RERE: variants seen among roughly 807,000 people sequenced by gnomAD.
RERE encodes arginine-glutamic acid dipeptide repeats, also known as arginine-glutamic acid dipeptide repeats protein.
RERE carries 40 observed loss-of-function variants against 146.1 expected under a neutral mutation model. That is an observed-to-expected ratio of 0.27 (90% CI 0.21 to 0.36). RERE has a LOEUF of 0.36. RERE is among the 10% of genes least tolerant of loss of function. The probability of loss-of-function intolerance (pLI) is 1.00; values close to 1 mark genes in which losing one functional copy is unlikely to be tolerated. For synonymous variants in RERE, 1,003 were observed against 866.0 expected (o/e 1.16, Z -2.78); for missense variants, 1,933 against 2,138.7 (o/e 0.90, Z 1.90).
chr1:8,693,229 A>C (rs1639247682), intron 1 of RERE, among the ~76,000 whole-genome samples: 1 of 152,208 alleles, frequency 6.6e-6, no homozygotes, highest in Non-Finnish European at 1.5e-5. Context: ...GGACACAGAA[A>C]TCACACACCT....
intron 7 of RERE, among the ~76,000 whole-genome samples, chr1:8,520,202 T>A (rs1160496815): frequency 6.6e-6 from 1 of 152,164 alleles, no homozygotes; most frequent in South Asian, 2.1e-4. Context: ...AATTCTAAAT[T>A]TTCTCTGTGG....
intron 11 of RERE, among the ~76,000 whole-genome samples, chr1:8,448,489 T>C (rs539983037): frequency 4.3e-4 from 65 of 151,962 alleles, no homozygotes; most frequent in Non-Finnish European, 6.9e-4. Context: ...CCAGGCGCAG[T>C]GGCTCACGCC....
At position 8,358,808 on chromosome 1, in the gene RERE, G is replaced by A. The variant is rs749567752; in HGVS notation, c.3727C>T (p.Pro1243Ser). The change falls in exon 20 of 23, where the codon CCC becomes TCC. Residue 1243 changes from proline (P) to serine (S), a missense_variant. By Grantham distance (74) the Pro-to-Ser change is moderately conservative. This residue lies in a region of RERE where 1,255 missense variants were observed against 1,153.8 expected (regional missense o/e 1.09). Transcript: ENST00000400908. ...EPPPTTIAAVPPYIGPDTPAL... is the reference protein window; with the variant it reads ...EPPPTTIAAVSPYIGPDTPAL... ...GGTGTGTCGGGCCCGATGTAGGGGG[G>A]CACAGCAGCAATGGTGGTTGGTGGT... 1 of 1,612,216 alleles carries A rather than the reference G, an allele frequency of 6.2e-7. No individual in the cohort carries two copies. The highest frequency in any genetic ancestry group is 8.5e-7 in the Non-Finnish European group (1 of 1,179,030).
chr1:8,656,742 C>T (rs1282355618), intron 1 of RERE, among the ~76,000 whole-genome samples: 1 of 152,166 alleles, frequency 6.6e-6, no homozygotes, highest in African/African-American at 2.4e-5. Flanking sequence ...TGGTAGACAA[C>T]ATATAATGGG....
At position 8,800,890 on chromosome 1, in the gene RERE, G is replaced by C. The variant is rs180791667; in HGVS notation, c.-145+16270C>G. On this transcript the variant is annotated intron_variant, in intron 1 of 22. Transcript: ENST00000400908. ...TGAGGCAGGAGAACCACTTGAATTT[G>C]GGAGCCGCAGGTTGCAGTGAGCCGA... Among the ~76,000 whole-genome samples, 8 of 152,140 alleles carry C rather than the reference G, an allele frequency of 5.3e-5. No homozygotes were observed. The East Asian group carries it at 1.4e-3, about 26-fold the overall frequency.
At chr1:8,470,201 C>A (rs1644661961) in intron 10 of RERE, among the ~76,000 whole-genome samples, 1 of 152,100 alleles carries the variant, frequency 6.6e-6, no homozygotes, top group Admixed American at 6.5e-5. Context: ...CCCGTCCTCA[C>A]CCCTACACAA....
At chr1:8,625,114 A>G (rs1017246163) in intron 2 of RERE, among the ~76,000 whole-genome samples, 9 of 152,092 alleles carry the variant, frequency 5.9e-5, no homozygotes, top group Admixed American at 4.6e-4. Context: ...ACTGGAGTGT[A>G]AAGCGTTGCT....
intron 2 of RERE, among the ~76,000 whole-genome samples, chr1:8,650,997 T>C (rs1389299502): frequency 1.3e-5 from 2 of 152,008 alleles, no homozygotes; most frequent in Non-Finnish European, 2.9e-5. Context: ...CTCAGGAGGC[T>C]GAGGCAGGAG....
At chr1:8,523,302 A>C (rs1645527996) in intron 7 of RERE, among the ~76,000 whole-genome samples, 1 of 152,262 alleles carries the variant, frequency 6.6e-6, no homozygotes, top group Non-Finnish European at 1.5e-5. Context: ...GGAACGCTTT[A>C]AATGTGAGGC....
chr1:8,361,610 G>A (rs1475271573), intron 17 of RERE, 120 bp from the exon 18 acceptor site: 22 of 1,434,800 alleles, frequency 1.5e-5, no homozygotes, highest in South Asian at 1.4e-4. Flanking sequence ...TTGGCTCCGG[G>A]ACCACAGGTC....
intron 1 of RERE, among the ~76,000 whole-genome samples, chr1:8,715,771 G>T (rs1429396538): frequency 6.6e-6 from 1 of 151,930 alleles, no homozygotes; most frequent in East Asian, 1.9e-4. Context: ...AGGTGTAGTG[G>T]TGCGTGCCTA....
chr1:8,720,587 C>T (rs1420067302), intron 1 of RERE, among the ~76,000 whole-genome samples: 7 of 152,076 alleles, frequency 4.6e-5, no homozygotes, highest in Non-Finnish European at 1.0e-4. Context: ...GCCGGCAGGA[C>T]TAGAACACAA....
intron 7 of RERE, among the ~76,000 whole-genome samples, chr1:8,535,080 A>C (rs888646305): frequency 6.6e-6 from 1 of 152,108 alleles, no homozygotes; most frequent in Non-Finnish European, 1.5e-5. Context: ...GCTGCAGTGC[A>C]CTTAAACCGT....
chr1:8,405,971 T>C (rs934583247), intron 12 of RERE, among the ~76,000 whole-genome samples: 3 of 152,144 alleles, frequency 2.0e-5, no homozygotes, highest in Admixed American at 1.3e-4. Context: ...TTCTGTGTTT[T>C]CAAGGGGGAA....
chr1:8,516,793 G>A (rs80112312), intron 7 of RERE, among the ~76,000 whole-genome samples: 2,014 of 152,198 alleles, frequency 0.013, 44 homozygotes, highest in African/African-American at 0.046. Context: ...ACCCAAGCAA[G>A]ACAAAATGAT....
At chr1:8,758,735 A>G (rs1640696420) in intron 1 of RERE, among the ~76,000 whole-genome samples, 1 of 152,116 alleles carries the variant, frequency 6.6e-6, no homozygotes, top group South Asian at 2.1e-4. Context: ...GTCAAAGGAC[A>G]TAAAATTTCA....
At chr1:8,779,249 C>A (rs1425704341) in intron 1 of RERE, among the ~76,000 whole-genome samples, 1 of 151,306 alleles carries the variant, frequency 6.6e-6, no homozygotes, top group African/African-American at 2.4e-5. Flanking sequence ...AAGTTCCATC[C>A]GGGCGCAGTG....
rs142478237 is a variant in RERE at position 8,538,930 on chromosome 1, A to G, written c.830+2284T>C. ...CCTGAAAGACTGTCAGCAGCACACA[A>G]TGAAAAATAAGAAAAGAACTTGAGT... On this transcript the variant is annotated intron_variant, in intron 7 of 22. Coordinates refer to ENST00000400908, the MANE Select transcript of RERE (RefSeq NM_001042681.2). 3.4e-3 allele frequency among the ~76,000 whole-genome samples: 524 copies of G among 152,364 alleles called. 3 individuals are homozygous for G. The highest frequency in any genetic ancestry group is 0.012 in the African/African-American group (482 of 41,590).
At chr1:8,378,658 C>T (rs1642345072) in intron 12 of RERE, among the ~76,000 whole-genome samples, 1 of 152,236 alleles carries the variant, frequency 6.6e-6, no homozygotes, top group Non-Finnish European at 1.5e-5. Context: ...ACCAACCCTA[C>T]TGAACTCTGG....
Sources: gnomAD v4.1 joint callset for allele counts (sites outside exome capture counted in the v4.1 genomes callset) on GRCh38, gnomAD v4.1.1 for gene constraint, gnomAD v4.1.1 regional missense constraint, MANE v1.5 for transcripts, NCBI Gene and HGNC (gene_info 2026-07-23, HGNC 2026-07-21) for gene names.